Variants in FBXO8 observed in about 807,000 individuals in gnomAD.
FBXO8 encodes F-box protein 8.
Under a neutral mutation model 33.4 loss-of-function variants are expected in FBXO8, and 15 were observed. The observed-to-expected ratio is 0.45, with a 90% CI of 0.30 to 0.69. FBXO8 has a LOEUF of 0.69. Ranked by LOEUF, FBXO8 falls within the 30% of genes least tolerant of loss-of-function variation. The probability of loss-of-function intolerance (pLI) is 0.08; values close to 1 mark genes in which losing one functional copy is unlikely to be tolerated. For synonymous variants in FBXO8, 132 were observed against 131.5 expected (o/e 1.00, Z -0.02); for missense variants, 274 against 380.3 (o/e 0.72, Z 2.32).
At chr4:174,239,831 T>G (rs747202063) in intron 4 of FBXO8, among the ~76,000 whole-genome samples, 59 of 149,156 alleles carry the variant, frequency 4.0e-4, no homozygotes, top group Admixed American at 8.0e-4. Context: ...TATATCTAAT[T>G]TTTTAAAAAA....
intron 1 of FBXO8, among the ~76,000 whole-genome samples, chr4:174,273,581 A>G (rs528250151): frequency 6.5e-4 from 99 of 152,316 alleles, no homozygotes; most frequent in African/African-American, 2.4e-3. Context: ...CCTCATTCTT[A>G]GGGAACACAC....
Position 174,237,403 on chromosome 4 carries a change from T to C in FBXO8, c.*9A>G. The C allele has an allele frequency of 6.2e-7, 1 of 1,608,338 alleles. No individual in the cohort carries two copies. Among genetic ancestry groups the C allele is most frequent in the Non-Finnish European group, 8.5e-7 (1 of 1,176,144 alleles). Reference sequence around the variant, plus strand: ...GAAGTAAAAACTGAAGTCCTAGCAATTGTGCTTTTTATGCAGCCACATGGC... The same window carrying C: ...GAAGTAAAAACTGAAGTCCTAGCAACTGTGCTTTTTATGCAGCCACATGGC... On this transcript the variant is annotated 3_prime_UTR_variant, in exon 6 of 6. Coordinates refer to ENST00000393674, the MANE Select transcript of FBXO8 (RefSeq NM_012180.3). The surrounding 1 kb of genome is among the most constrained non-coding windows in gnomAD (Gnocchi z 4.4).
In FBXO8 at chr4:174,255,986, CAAT is replaced by C; in HGVS notation, c.456+3710_456+3712del. The C allele has an allele frequency of 9.9e-6, 4 of 404,234 alleles. No individual in the cohort carries two copies. The highest frequency in any genetic ancestry group is 7.3e-5 in the South Asian group (4 of 54,536). The allele number at this position is 404,234 out of a possible 1,614,324, so 25.0% of individuals were successfully genotyped here. ...AAGACGTTACATACAGCTGAGATCA[CAAT>C]GTCATGCATAGTACAACAGCGTGCC... On this transcript the variant is annotated intron_variant, in intron 3 of 5. Coordinates refer to ENST00000393674, the MANE Select transcript of FBXO8 (RefSeq NM_012180.3). This position sits in a 1 kb window ranked among gnomAD's most constrained non-coding sequence, Gnocchi z 4.3.
chr4:174,282,811 A>C (rs143176120), intron 1 of FBXO8, among the ~76,000 whole-genome samples: 6 of 152,324 alleles, frequency 3.9e-5, no homozygotes, highest in African/African-American at 1.2e-4. Context: ...AAAACTAAAA[A>C]AATTAAATGA....
chr4:174,238,601 C>T (rs1735943525), intron 5 of FBXO8, among the ~76,000 whole-genome samples: 1 of 150,482 alleles, frequency 6.6e-6, no homozygotes, highest in African/African-American at 2.4e-5. Context: ...GTCTATATGT[C>T]TATATGTGTA....
chr4:174,243,038 T>C (rs1736076749), intron 3 of FBXO8, among the ~76,000 whole-genome samples: 1 of 151,570 alleles, frequency 6.6e-6, no homozygotes, highest in South Asian at 2.1e-4. Flanking sequence ...ACTAATAGTA[T>C]ACATTAATGA....
chr4:174,253,479 G>A lies in FBXO8; in HGVS notation c.456+6220C>T, dbSNP rs1183293249. On this transcript the variant is annotated intron_variant, in intron 3 of 5. Transcript: ENST00000393674. The surrounding 1 kb of genome is among the most constrained non-coding windows in gnomAD (Gnocchi z 4.5). ...AGGGTCAGCTACCAACCAAATTGTT[G>A]TGCCACAGGTGCCAATGTTCCTCCT... Among the ~76,000 whole-genome samples, 15 of 152,162 alleles carry A rather than the reference G, an allele frequency of 9.9e-5. No individual in the cohort carries two copies. The highest frequency in any genetic ancestry group is 8.5e-4 in the Admixed American group (13 of 15,270).
chr4:174,264,720 C>A (rs1029104748), intron 1 of FBXO8, among the ~76,000 whole-genome samples: 5 of 151,210 alleles, frequency 3.3e-5, no homozygotes, highest in African/African-American at 9.7e-5. Flanking sequence ...AAAAGATAAC[C>A]CTTCTCTCCC....
rs1003386738 is a variant in FBXO8, at chr4:174,245,399, T to C, written c.457-4181A>G. Reference sequence around the variant, plus strand: ...GGAATTTAAGGGGTTTAGACAGCTCTGAATGAGGGGAACACTGGAGAAGAA... The same window carrying C: ...GGAATTTAAGGGGTTTAGACAGCTCCGAATGAGGGGAACACTGGAGAAGAA... On this transcript the variant is annotated intron_variant, in intron 3 of 5. Coordinates refer to ENST00000393674, the MANE Select transcript of FBXO8 (RefSeq NM_012180.3). This position sits in a 1 kb window ranked among gnomAD's most constrained non-coding sequence, Gnocchi z 4.6. Among the ~76,000 whole-genome samples, 7 of 151,900 alleles carry C rather than the reference T, an allele frequency of 4.6e-5. No homozygotes were observed. In the East Asian group the frequency reaches 1.3e-3, roughly 29 times the overall value.
chr4:174,269,375 CCTT>C (rs779128348), intron 1 of FBXO8, among the ~76,000 whole-genome samples: 11 of 152,068 alleles, frequency 7.2e-5, no homozygotes, highest in Non-Finnish European at 8.8e-5. Context: ...TACATTTTCT[CCTT>C]ATTTTTCAGA....
In FBXO8 at chr4:174,262,891, A is replaced by T; in HGVS notation, c.202T>A (p.Phe68Ile). The change falls in exon 2 of 6, where the codon TTC becomes ATC. Residue 68 changes from phenylalanine to isoleucine, a missense_variant. Phe to Ile is a conservative substitution (Grantham distance 21). Transcript: ENST00000393674. The surrounding 1 kb of genome is among the most constrained non-coding windows in gnomAD (Gnocchi z 4.6). The stretch of plus-strand genomic sequence containing the variant: ...GGAGGCAACATTTCCAAATTAATGA[A>T]TCCTTCCTGTTCTTTCGATTTCCTT... ...KARKSKEQEG[F>I]INLEMLPPEL... The T allele has an allele frequency of 6.2e-7, 1 of 1,614,032 alleles. No individual in the cohort carries two copies. The highest frequency in any genetic ancestry group is 8.5e-7 in the Non-Finnish European group (1 of 1,179,946).
Position 174,256,249 on chromosome 4 carries a change from C to T in FBXO8, c.456+3450G>A, listed in dbSNP as rs1736412359. On this transcript the variant is annotated intron_variant, in intron 3 of 5. Transcript: ENST00000393674. The surrounding 1 kb of genome is among the most constrained non-coding windows in gnomAD (Gnocchi z 4.6). ...AAAGTAGACTTTTTACAATACTAAG[C>T]AATTATATACATCTTATCTCAGGTA... 1 of 418,496 alleles carries T rather than the reference C, an allele frequency of 2.4e-6. No homozygotes were observed. The highest frequency in any genetic ancestry group is 2.7e-5 in the Admixed American group (1 of 36,436). 25.9% of individuals were successfully genotyped at this position (418,496 alleles called of 1,614,324 possible).
Position 174,281,150 on chromosome 4 carries a change from T to C in FBXO8, c.-9+2260A>G, listed in dbSNP as rs998116058. ...ATAAATAAAAGAAGAGATGATGGCG[T>C]GCGTGTGTGTGTATTTAACATCTGT... is the stretch of plus-strand genomic sequence containing the variant. On this transcript the variant is annotated intron_variant, in intron 1 of 5. Coordinates refer to ENST00000393674, the MANE Select transcript of FBXO8 (RefSeq NM_012180.3). This position sits in a 1 kb window ranked among gnomAD's most constrained non-coding sequence, Gnocchi z 4.6. 5.3e-5 allele frequency among the ~76,000 whole-genome samples: 8 copies of C among 152,142 alleles called. No homozygotes were observed. The East Asian group carries it at 1.5e-3, about 29-fold the overall frequency.
Position 174,259,865 on chromosome 4 carries a change from C to T in FBXO8, c.330-40G>A. 1 of 1,528,942 alleles carries T rather than the reference C, an allele frequency of 6.5e-7. No homozygotes were observed. Among genetic ancestry groups the T allele is most frequent in the Non-Finnish European group, 8.7e-7 (1 of 1,143,152 alleles). 94.7% of individuals were successfully genotyped at this position (1,528,942 alleles called of 1,614,324 possible). ...AAAATGAGACAAGAAAACATTACTACATTTAATTTCCTAAGTTAAATATGC... is the reference window on the plus strand; with the variant it reads ...AAAATGAGACAAGAAAACATTACTATATTTAATTTCCTAAGTTAAATATGC... On this transcript the variant is annotated intron_variant, in intron 2 of 5. Coordinates refer to ENST00000393674, the MANE Select transcript of FBXO8 (RefSeq NM_012180.3). This position sits in a 1 kb window ranked among gnomAD's most constrained non-coding sequence, Gnocchi z 4.3.
At chr4:174,271,741 T>C (rs565572464) in intron 1 of FBXO8, among the ~76,000 whole-genome samples, 33 of 152,318 alleles carry the variant, frequency 2.2e-4, no homozygotes, top group African/African-American at 4.6e-4. Context: ...TCACTTCTTA[T>C]TGCCTCAAAG....
At chr4:174,268,655 C>A (rs1333302951) in intron 1 of FBXO8, among the ~76,000 whole-genome samples, 2 of 152,158 alleles carry the variant, frequency 1.3e-5, no homozygotes, top group Non-Finnish European at 2.9e-5. Flanking sequence ...CCAGGATGGT[C>A]TCCATCTCCT....
At chr4:174,240,387 T>C (rs1294648114) in intron 4 of FBXO8, among the ~76,000 whole-genome samples, 2 of 151,728 alleles carry the variant, frequency 1.3e-5, no homozygotes, top group Non-Finnish European at 3.0e-5. Context: ...AATACTGATA[T>C]ATACAAAAGT....
intron 1 of FBXO8, among the ~76,000 whole-genome samples, chr4:174,273,337 AG>A (rs1560875568): frequency 8.0e-6 from 1 of 124,706 alleles, no homozygotes; most frequent in African/African-American, 3.0e-5. Context: ...AAAAAAAAAA[AG>A]AAAAGAAAAG....
At position 174,247,843 on chromosome 4, in the gene FBXO8, A is replaced by G. The variant is rs888570271; in HGVS notation, c.457-6625T>C. Among the ~76,000 whole-genome samples the G allele has an allele frequency of 4.6e-5, 7 of 152,040 alleles. No homozygotes were observed. The highest frequency in any genetic ancestry group is 1.0e-4 in the Non-Finnish European group (7 of 67,950). ...TGGTTAAGATGACTGCTCTGATACT[A>G]TTTCTTCTTTTCTACAGTGTTTGAA... On this transcript the variant is annotated intron_variant, in intron 3 of 5. Coordinates refer to ENST00000393674, the MANE Select transcript of FBXO8 (RefSeq NM_012180.3). The surrounding 1 kb of genome is among the most constrained non-coding windows in gnomAD (Gnocchi z 4.6).
Sources: allele counts gnomAD v4.1 joint callset (sites outside exome capture counted in the v4.1 genomes callset), GRCh38; gene constraint gnomAD v4.1.1; non-coding constraint Gnocchi (gnomAD v3.1); transcripts MANE v1.5; gene names NCBI Gene and HGNC (gene_info 2026-07-23, HGNC 2026-07-21).